Variants in DPP6 observed in about 807,000 individuals in gnomAD.
DPP6 encodes A-type potassium channel modulatory protein DPP6.
Under a neutral mutation model 122.6 loss-of-function variants are expected in DPP6, and 69 were observed. The ratio of observed to expected loss-of-function variants is 0.56; its 90% CI spans 0.46 to 0.69. The LOEUF is 0.69. DPP6 is among the 30% of genes least tolerant of loss of function. The pLI is 0.00. For synonymous variants in DPP6, 418 were observed against 433.1 expected, an observed-to-expected ratio of 0.97 and a Z score of 0.43; for missense variants, 928 against 1,116.9, an observed-to-expected ratio of 0.83 and a Z score of 2.41.
the DPP6 span, among the ~76,000 whole-genome samples, chr7:153,766,095 A>G: frequency 2.8e-4 from 42 of 152,358 alleles, no homozygotes; most frequent in East Asian, 7.1e-3. Flanking sequence ...GTACTAAATA[A>G]TACATTTTGT....
At chr7:153,798,472 A>G in the DPP6 span, among the ~76,000 whole-genome samples, 22 of 152,122 alleles carry the variant, frequency 1.4e-4, no homozygotes, top group Non-Finnish European at 1.3e-4. Flanking sequence ...AGATTCATTC[A>G]ACCTACTTGG....
intron 12 of DPP6, among the ~76,000 whole-genome samples, chr7:154,798,679 G>A (rs1365952036): frequency 6.6e-6 from 1 of 152,202 alleles, no homozygotes; most frequent in Non-Finnish European, 1.5e-5. Flanking sequence ...CAGTTGGGAG[G>A]CCAGGATGTC....
the DPP6 span, among the ~76,000 whole-genome samples, chr7:153,844,605 C>T: frequency 6.6e-6 from 1 of 152,012 alleles, no homozygotes; most frequent in South Asian, 2.1e-4. Context: ...TTTTTTTCAA[C>T]AATTTAAAGA....
rs545571428 is a variant in DPP6, at chr7:154,156,463, T to C, written c.243+103400T>C. Among the ~76,000 whole-genome samples the C allele has an allele frequency of 1.9e-3, 291 of 152,304 alleles. 2 individuals are homozygous for C. Among genetic ancestry groups the C allele is most frequent in the African/African-American group, 6.7e-3 (280 of 41,556 alleles). ...TGCCAGCAGTCTCAGGAATGATCAA[T>C]ACTAGTGGTTGAGACTAGAGGGACC... On this transcript the variant is annotated intron_variant, in intron 1 of 25. Coordinates refer to ENST00000377770, the MANE Select transcript of DPP6 (RefSeq NM_130797.4).
intron 1 of DPP6, among the ~76,000 whole-genome samples, chr7:154,223,695 G>T (rs1166013593): frequency 6.7e-6 from 1 of 149,454 alleles, no homozygotes; most frequent in Non-Finnish European, 1.5e-5. Flanking sequence ...AGAGGTGGGA[G>T]ATGTCCCTAG....
At chr7:154,686,154 T>C (rs1279582573) in intron 7 of DPP6, among the ~76,000 whole-genome samples, 3 of 152,052 alleles carry the variant, frequency 2.0e-5, no homozygotes, top group East Asian at 3.9e-4. Context: ...AGTGAGAAAA[T>C]AGAAATTCAG....
intron 4 of DPP6, among the ~76,000 whole-genome samples, chr7:154,544,139 T>TA (rs1828969685): frequency 6.9e-6 from 1 of 145,654 alleles, no homozygotes; most frequent in African/African-American, 2.5e-5. Context: ...ATATATGTAT[T>TA]TTATATATAT....
intron 3 of DPP6, among the ~76,000 whole-genome samples, chr7:154,489,172 G>A (rs1824056895): frequency 6.6e-6 from 1 of 152,136 alleles, no homozygotes; most frequent in Non-Finnish European, 1.5e-5. Flanking sequence ...TTGTGCTGCG[G>A]TTGCTTCTAT....
the DPP6 span, among the ~76,000 whole-genome samples, chr7:153,825,047 G>A: frequency 4.6e-5 from 7 of 152,202 alleles, no homozygotes; most frequent in African/African-American, 1.7e-4. Context: ...ACTCAGCTGA[G>A]TAGCTTCGTT....
intron 1 of DPP6, among the ~76,000 whole-genome samples, chr7:154,254,785 A>G (rs558451133): frequency 6.0e-4 from 91 of 152,274 alleles, no homozygotes; most frequent in African/African-American, 2.1e-3. Flanking sequence ...GAGAGAAGGA[A>G]CATACATGGC....
intron 1 of DPP6, among the ~76,000 whole-genome samples, chr7:154,442,180 T>C (rs915408020): frequency 2.0e-5 from 3 of 152,214 alleles, no homozygotes; most frequent in African/African-American, 7.2e-5. Flanking sequence ...CTGTGCACTA[T>C]GTTGTCCCAA....
At chr7:153,902,672 TA>T (rs577400229) in intron 1 of DPP6, among the ~76,000 whole-genome samples, 199 of 152,062 alleles carry the variant, frequency 1.3e-3, no homozygotes, top group African/African-American at 4.5e-3. Flanking sequence ...CTGTCTCTAC[TA>T]AAAATACAAA....
intron 1 of DPP6, among the ~76,000 whole-genome samples, chr7:154,183,575 G>A (rs1418758995): frequency 6.6e-6 from 1 of 152,138 alleles, no homozygotes; most frequent in Admixed American, 6.5e-5. Context: ...CATTCACTAG[G>A]GCGTCTTCCT....
chr7:154,201,962 T>C (rs527433685), intron 1 of DPP6, among the ~76,000 whole-genome samples: 214 of 152,316 alleles, frequency 1.4e-3, no homozygotes, highest in Non-Finnish European at 2.4e-3. Flanking sequence ...AGAGATTAAA[T>C]AAGGCAGCGC....
At chr7:153,964,387 T>C (rs1333655261) in intron 1 of DPP6, among the ~76,000 whole-genome samples, 3 of 152,154 alleles carry the variant, frequency 2.0e-5, no homozygotes, top group Non-Finnish European at 4.4e-5. Flanking sequence ...ATTCATCTCT[T>C]GTTGGCGTTT....
At chr7:154,757,689 A>G (rs1587046189) in intron 8 of DPP6, among the ~76,000 whole-genome samples, 1 of 152,220 alleles carries the variant, frequency 6.6e-6, no homozygotes, top group East Asian at 1.9e-4. Flanking sequence ...TCCTCTGGAG[A>G]GTCTGCCTCA....
chr7:154,297,537 ACT>A (rs1489515723), intron 1 of DPP6, among the ~76,000 whole-genome samples: 3 of 152,180 alleles, frequency 2.0e-5, no homozygotes, highest in Non-Finnish European at 4.4e-5. Flanking sequence ...TCTTCAGGAC[ACT>A]CTGAACACAA....
intron 1 of DPP6, among the ~76,000 whole-genome samples, chr7:153,960,322 T>G (rs1423909901): frequency 6.6e-6 from 1 of 152,144 alleles, no homozygotes; most frequent in Non-Finnish European, 1.5e-5. Flanking sequence ...TCCTCTCCAG[T>G]TGACTTCCTT....
intron 1 of DPP6, among the ~76,000 whole-genome samples, chr7:154,308,942 G>A (rs1806606471): frequency 1.3e-5 from 2 of 152,272 alleles, no homozygotes; most frequent in Non-Finnish European, 2.9e-5. Flanking sequence ...GTGTATGTAT[G>A]TGTGTGCATG....
Sources: gnomAD v4.1 joint callset for allele counts (sites outside exome capture counted in the v4.1 genomes callset) on GRCh38, gnomAD v4.1.1 for gene constraint, MANE v1.5 for transcripts, NCBI Gene and HGNC (gene_info 2026-07-23, HGNC 2026-07-21) for gene names.